Variants in EBF3 observed in about 807,000 individuals in gnomAD.
EBF3 encodes the protein transcription factor COE3.
EBF3 carries 18 observed loss-of-function variants against 77.1 expected under a neutral mutation model. The observed-to-expected ratio is 0.23, with a 90% CI of 0.16 to 0.35. EBF3 has a LOEUF of 0.35. EBF3 is among the 10% of genes least tolerant of loss of function. The pLI is 1.00. For synonymous variants in EBF3, 350 were observed against 343.5 expected (o/e 1.02, Z -0.21); for missense variants, 558 against 860.0 (o/e 0.65, Z 4.39).
At chr10:129,940,597 C>T (rs1174939417) in intron 6 of EBF3, among the ~76,000 whole-genome samples, 2 of 152,208 alleles carry the variant, frequency 1.3e-5, no homozygotes, top group Non-Finnish European at 2.9e-5. Flanking sequence ...GAGCCCCATG[C>T]TTAGTAGCAC....
At chr10:129,889,379 G>A (rs1219362077) in intron 6 of EBF3, among the ~76,000 whole-genome samples, 1 of 152,230 alleles carries the variant, frequency 6.6e-6, no homozygotes, top group Admixed American at 6.5e-5. Flanking sequence ...GCCAGGGTGG[G>A]CGGGCAGCCT....
intron 10 of EBF3, among the ~76,000 whole-genome samples, chr10:129,852,357 G>A (rs1345100411): frequency 6.6e-6 from 1 of 152,218 alleles, no homozygotes; most frequent in Non-Finnish European, 1.5e-5. Flanking sequence ...AACGGTCTGT[G>A]ATGTCAGTTC....
chr10:129,908,155 A>G (rs1855275758), intron 6 of EBF3, among the ~76,000 whole-genome samples: 2 of 152,216 alleles, frequency 1.3e-5, no homozygotes, highest in African/African-American at 2.4e-5. Context: ...TTAAAGCCAT[A>G]TTATATGACC....
chr10:129,855,246 G>A (rs1464997772), intron 10 of EBF3, among the ~76,000 whole-genome samples: 4 of 152,312 alleles, frequency 2.6e-5, no homozygotes, highest in African/African-American at 7.2e-5. Flanking sequence ...CAGCCCAACC[G>A]GGCCTCGTGC....
At chr10:129,912,266 C>G (rs1855577488) in intron 6 of EBF3, among the ~76,000 whole-genome samples, 1 of 152,150 alleles carries the variant, frequency 6.6e-6, no homozygotes. Context: ...GCTCCTCTCC[C>G]CACTATCAAC....
At chr10:129,904,921 A>T (rs1385682543) in intron 6 of EBF3, among the ~76,000 whole-genome samples, 1 of 152,264 alleles carries the variant, frequency 6.6e-6, no homozygotes, top group Non-Finnish European at 1.5e-5. Context: ...AGTAGGAAAC[A>T]GACACAAAAT....
intron 6 of EBF3, among the ~76,000 whole-genome samples, chr10:129,887,385 G>A (rs1853684550): frequency 6.6e-6 from 1 of 152,182 alleles, no homozygotes; most frequent in Admixed American, 6.5e-5. Flanking sequence ...AAAAGTAAGG[G>A]CAATAAAGAT....
intron 6 of EBF3, among the ~76,000 whole-genome samples, chr10:129,900,491 C>T (rs1854704368): frequency 6.6e-6 from 1 of 152,224 alleles, no homozygotes; most frequent in Non-Finnish European, 1.5e-5. Flanking sequence ...TCCTGGGGGA[C>T]ATCTGGTGCA....
chr10:129,892,369 T>C (rs1564862744), intron 6 of EBF3, among the ~76,000 whole-genome samples: 2 of 152,234 alleles, frequency 1.3e-5, no homozygotes, highest in African/African-American at 4.8e-5. Flanking sequence ...TCAATTTCCA[T>C]ATAAAACTGT....
At chr10:129,937,901 C>A (rs141338680) in intron 6 of EBF3, among the ~76,000 whole-genome samples, 297 of 152,322 alleles carry the variant, frequency 1.9e-3, no homozygotes, top group African/African-American at 6.6e-3. Flanking sequence ...TTCCATCCCC[C>A]TAAAAGGTGA....
At chr10:129,876,493 A>G (rs1852779809) in intron 7 of EBF3, among the ~76,000 whole-genome samples, 1 of 152,268 alleles carries the variant, frequency 6.6e-6, no homozygotes, top group African/African-American at 2.4e-5. Context: ...CCAGCTGCAG[A>G]CATGACTGTG....
intron 10 of EBF3, among the ~76,000 whole-genome samples, chr10:129,860,577 C>T (rs1209030985): frequency 6.6e-6 from 1 of 152,198 alleles, no homozygotes; most frequent in Non-Finnish European, 1.5e-5. Context: ...AGGGTGCAGA[C>T]TTGGTCACAG....
rs1471351425 is a variant in EBF3 at position 129,943,594 on chromosome 10, G to A, written c.554+13664C>T. ...AGTGGTTGCCAGGAGTCGCCAGCCG[G>A]GCTTGGGAACAAGACAGGTCCCCGG... On this transcript the variant is annotated intron_variant, in intron 6 of 16. Transcript: ENST00000440978. The surrounding 1 kb of genome is among the most constrained non-coding windows in gnomAD (Gnocchi z 8.8). Among the ~76,000 whole-genome samples, 1 of 152,174 alleles carries A rather than the reference G, an allele frequency of 6.6e-6. No homozygotes were observed. The highest frequency in any genetic ancestry group is 1.5e-5 in the Non-Finnish European group (1 of 68,042).
At chr10:129,931,016 A>G (rs906089690) in intron 6 of EBF3, among the ~76,000 whole-genome samples, 18 of 148,022 alleles carry the variant, frequency 1.2e-4, no homozygotes, top group African/African-American at 3.0e-4. Context: ...TCATATACCT[A>G]TATCTGTCTA....
chr10:129,853,127 T>A (rs1589708344), intron 10 of EBF3, among the ~76,000 whole-genome samples: 1 of 152,220 alleles, frequency 6.6e-6, no homozygotes, highest in East Asian at 1.9e-4. Flanking sequence ...GCGCCGCCTG[T>A]AAGTACTCCT....
chr10:129,928,070 G>A (rs1042836240), intron 6 of EBF3, among the ~76,000 whole-genome samples: 4 of 152,112 alleles, frequency 2.6e-5, no homozygotes, highest in East Asian at 1.9e-4. Context: ...TTACTATTCC[G>A]AGCAATGCCA....
At chr10:129,854,901 C>T (rs886269666) in intron 10 of EBF3, among the ~76,000 whole-genome samples, 4 of 152,230 alleles carry the variant, frequency 2.6e-5, no homozygotes, top group Non-Finnish European at 4.4e-5. Context: ...CCGCGGGGGC[C>T]GGCCTGGCTC....
intron 6 of EBF3, among the ~76,000 whole-genome samples, chr10:129,948,577 A>T (rs2134550939): frequency 6.9e-6 from 1 of 144,310 alleles, no homozygotes; most frequent in Non-Finnish European, 1.5e-5. Flanking sequence ...GCTCAGGTGT[A>T]ATGAGGATAC....
At chr10:129,961,370 C>T (rs1318927861) in intron 4 of EBF3, among the ~76,000 whole-genome samples, 1 of 152,136 alleles carries the variant, frequency 6.6e-6, no homozygotes, top group Non-Finnish European at 1.5e-5. Flanking sequence ...ACAACCAAAT[C>T]AACAACAACA....
Sources: allele counts gnomAD v4.1 joint callset (sites outside exome capture counted in the v4.1 genomes callset), GRCh38; gene constraint gnomAD v4.1.1; non-coding constraint Gnocchi (gnomAD v3.1); transcripts MANE v1.5; gene names NCBI Gene and HGNC (gene_info 2026-07-23, HGNC 2026-07-21).